Variants in MEGF9 observed in about 807,000 individuals in gnomAD.
MEGF9 encodes the protein multiple EGF like domains 9.
Under a neutral mutation model 46.8 loss-of-function variants are expected in MEGF9, and 6 were observed. The observed-to-expected ratio is 0.13, with a 90% CI of 0.07 to 0.25. The LOEUF is 0.25. Ranked by LOEUF, MEGF9 falls within the 10% of genes least tolerant of loss-of-function variation. The pLI is 1.00. For missense variants in MEGF9, 683 were observed against 792.4 expected (o/e 0.86, Z 1.66); for synonymous variants, 302 against 330.7 (o/e 0.91, Z 0.94).
intron 1 of MEGF9, among the ~76,000 whole-genome samples, chr9:120,667,057 T>C (rs1015540109): frequency 2.6e-5 from 4 of 152,208 alleles, no homozygotes; most frequent in African/African-American, 9.7e-5. Flanking sequence ...GTAAATTTCA[T>C]TGGATATAAA....
chr9:120,706,281 G>A (rs1226780578), intron 1 of MEGF9, among the ~76,000 whole-genome samples: 1 of 152,110 alleles, frequency 6.6e-6, no homozygotes, highest in Non-Finnish European at 1.5e-5. Context: ...AACTAGCCAG[G>A]AGGCTTCCTG....
chr9:120,702,063 T>A (rs2043908126), intron 1 of MEGF9, among the ~76,000 whole-genome samples: 2 of 151,722 alleles, frequency 1.3e-5, no homozygotes, highest in South Asian at 2.1e-4. Context: ...AATAAAAAAT[T>A]AATTAATTAA....
chr9:120,711,563 C>T (rs1412237760), intron 1 of MEGF9, among the ~76,000 whole-genome samples: 4 of 152,016 alleles, frequency 2.6e-5, no homozygotes, highest in African/African-American at 4.8e-5. Context: ...TCCCTTTTTC[C>T]TTTGTGGACT....
At chr9:120,694,554 G>C (rs16910053) in intron 1 of MEGF9, among the ~76,000 whole-genome samples, 2,420 of 152,338 alleles carry the variant, frequency 0.016, 62 homozygotes, top group African/African-American at 0.055. Flanking sequence ...TCTTCAAAGT[G>C]AGATTCTACT....
intron 5 of MEGF9, among the ~76,000 whole-genome samples, chr9:120,606,028 T>C (rs1448166165): frequency 6.6e-6 from 1 of 151,810 alleles, no homozygotes; most frequent in Non-Finnish European, 1.5e-5. Flanking sequence ...AAAAATTAGC[T>C]GGGCGTGGTG....
intron 2 of MEGF9, among the ~76,000 whole-genome samples, 167 bp downstream of exon 2, chr9:120,659,207 C>T (rs2043690611): frequency 6.6e-6 from 1 of 152,142 alleles, no homozygotes; most frequent in Non-Finnish European, 1.5e-5. Context: ...TAAATCCTGA[C>T]ATTAAATATA....
At chr9:120,660,586 T>C (rs185611404) in intron 1 of MEGF9, among the ~76,000 whole-genome samples, 2 of 152,328 alleles carry the variant, frequency 1.3e-5, no homozygotes, top group East Asian at 1.9e-4. Flanking sequence ...TGTCCACTAT[T>C]CTTCGCAGTC....
At chr9:120,683,153 C>T (rs2043805985) in intron 1 of MEGF9, among the ~76,000 whole-genome samples, 1 of 152,122 alleles carries the variant, frequency 6.6e-6, no homozygotes, top group Non-Finnish European at 1.5e-5. Flanking sequence ...GGTTCTGGTA[C>T]CACCAGCCTC....
At chr9:120,706,432 C>CA (rs1393540726) in intron 1 of MEGF9, among the ~76,000 whole-genome samples, 2 of 151,648 alleles carry the variant, frequency 1.3e-5, no homozygotes, top group Admixed American at 6.6e-5. Context: ...CCTGGCCCCC[C>CA]AAAAAATATG....
chr9:120,631,487 A>ATTTT (rs35207016), intron 2 of MEGF9, among the ~76,000 whole-genome samples: 4 of 146,020 alleles, frequency 2.7e-5, no homozygotes, highest in African/African-American at 1.0e-4. Context: ...ATTTGATTGC[A>ATTTT]TTTTTTTTTT....
intron 2 of MEGF9, among the ~76,000 whole-genome samples, chr9:120,624,804 C>T (rs1380339114): frequency 1.4e-5 from 2 of 146,778 alleles, no homozygotes; most frequent in African/African-American, 2.5e-5. Flanking sequence ...ACCCAGAAGA[C>T]GGAGGGTGCA....
chr9:120,664,498 T>C (rs1222130922), intron 1 of MEGF9, among the ~76,000 whole-genome samples: 1 of 152,216 alleles, frequency 6.6e-6, no homozygotes, highest in African/African-American at 2.4e-5. Flanking sequence ...AAAATAACTA[T>C]GTCCTCAGTC....
chr9:120,613,359 G>C (rs1249635077), intron 3 of MEGF9, among the ~76,000 whole-genome samples: 6 of 151,736 alleles, frequency 4.0e-5, no homozygotes, highest in African/African-American at 1.2e-4. Flanking sequence ...TGGAGGGAGG[G>C]GGGTAAAACA....
chr9:120,622,434 T>A (rs76092811), intron 3 of MEGF9, among the ~76,000 whole-genome samples, 182 bp downstream of exon 3: 34 of 148,170 alleles, frequency 2.3e-4, no homozygotes, highest in African/African-American at 6.6e-4. Flanking sequence ...TTTTTTTTTT[T>A]AATTTACGTA....
At chr9:120,680,843 C>T (rs1463864848) in intron 1 of MEGF9, among the ~76,000 whole-genome samples, 1 of 152,094 alleles carries the variant, frequency 6.6e-6, no homozygotes, top group Non-Finnish European at 1.5e-5. Flanking sequence ...AGGCCACTGT[C>T]GATGTTCATT....
At chr9:120,645,989 G>A (rs973358122) in intron 2 of MEGF9, among the ~76,000 whole-genome samples, 2 of 152,216 alleles carry the variant, frequency 1.3e-5, no homozygotes, top group African/African-American at 2.4e-5. Flanking sequence ...GGTAAGCACA[G>A]GGAGAGGGTG....
intron 1 of MEGF9, among the ~76,000 whole-genome samples, chr9:120,674,339 T>C (rs563953629): frequency 1.3e-5 from 2 of 152,186 alleles, no homozygotes; most frequent in Admixed American, 1.3e-4. Flanking sequence ...ATCTAGAAAC[T>C]TTACCAAAGA....
chr9:120,708,340 G>A (rs1486542546), intron 1 of MEGF9, among the ~76,000 whole-genome samples: 1 of 152,134 alleles, frequency 6.6e-6, no homozygotes, highest in South Asian at 2.1e-4. Context: ...ACTCCAGCCT[G>A]GCAACAGAGC....
chr9:120,618,260 C>T (rs1478153659), intron 3 of MEGF9, among the ~76,000 whole-genome samples: 5 of 152,166 alleles, frequency 3.3e-5, no homozygotes, highest in African/African-American at 1.2e-4. Flanking sequence ...CACTCCAGTG[C>T]TTGGAGCTGA....
Sources: gnomAD v4.1 joint callset for allele counts (sites outside exome capture counted in the v4.1 genomes callset) on GRCh38, gnomAD v4.1.1 for gene constraint, MANE v1.5 for transcripts, NCBI Gene and HGNC (gene_info 2026-07-23, HGNC 2026-07-21) for gene names.